Variants in MECOM observed in about 807,000 individuals in gnomAD.
MECOM encodes histone-lysine N-methyltransferase MECOM.
A neutral mutation model predicts 116.3 loss-of-function variants in MECOM; 13 were observed. That is an observed-to-expected ratio of 0.11 (90% CI 0.07 to 0.18). MECOM has a LOEUF of 0.18. MECOM is among the 10% of genes least tolerant of loss of function. MECOM has a pLI of 1.00. For missense variants in MECOM, 1,299 were observed against 1,509.0 expected (o/e 0.86, Z 2.31); for synonymous variants, 528 against 535.2 (o/e 0.99, Z 0.19).
chr3:169,510,605 A>G (rs1319848654), intron 1 of MECOM, among the ~76,000 whole-genome samples: 3 of 152,208 alleles, frequency 2.0e-5, no homozygotes, highest in Non-Finnish European at 4.4e-5. Context: ...TACAAACATT[A>G]GGCCTGACTT....
At chr3:169,106,004 T>C (rs944030745) in intron 10 of MECOM, among the ~76,000 whole-genome samples, 1 of 152,178 alleles carries the variant, frequency 6.6e-6, no homozygotes, top group Non-Finnish European at 1.5e-5. Context: ...ATTAAAACTA[T>C]TAAAGTGACA....
chr3:169,497,358 TC>T lies in MECOM; in HGVS notation c.38-115835del, dbSNP rs1422513982. On this transcript the variant is annotated intron_variant, in intron 1 of 16. Transcript: ENST00000651503. Reference sequence around the variant, plus strand: ...TCTCTTTTTCTTTTTCTTTTTTTTTTCTTTTGAGATGGAGTCTTACTCTGTT... The same window carrying T: ...TCTCTTTTTCTTTTTCTTTTTTTTTTTTTTGAGATGGAGTCTTACTCTGTT... Among the ~76,000 whole-genome samples the T allele has an allele frequency of 2.1e-3, 314 of 152,074 alleles. 4 individuals carry two copies. Among genetic ancestry groups the T allele is most frequent in the African/African-American group, 6.1e-3 (255 of 41,496 alleles).
At chr3:169,302,784 A>C (rs565318045) in intron 2 of MECOM, among the ~76,000 whole-genome samples, 4 of 152,214 alleles carry the variant, frequency 2.6e-5, no homozygotes, top group Admixed American at 2.6e-4. Flanking sequence ...GAATCAGTTG[A>C]ACCCAGGAGA....
chr3:169,408,371 G>A (rs751419126), intron 1 of MECOM, among the ~76,000 whole-genome samples: 1 of 152,174 alleles, frequency 6.6e-6, no homozygotes, highest in Non-Finnish European at 1.5e-5. Flanking sequence ...ATCGACATGC[G>A]AGGTAGGAAA....
intron 1 of MECOM, among the ~76,000 whole-genome samples, chr3:169,401,022 A>C (rs1560225799): frequency 2.0e-5 from 3 of 152,200 alleles, no homozygotes; most frequent in East Asian, 1.9e-4. Context: ...TGTCTGAGGC[A>C]CTAATCAAGC....
rs371409799 is a variant in MECOM, at chr3:169,590,079, G to A, written c.37+73257C>T. 6.6e-5 allele frequency among the ~76,000 whole-genome samples: 10 copies of A among 152,300 alleles called. No individual in the cohort carries two copies. The East Asian group carries it at 1.9e-3, about 29-fold the overall frequency. The stretch of plus-strand genomic sequence containing the variant: ...TGTTCCACATCTGGACAAGAGGCAG[G>A]AAAACAACAGATCATCAACAAGTTC... On this transcript the variant is annotated intron_variant, in intron 1 of 16. Transcript: ENST00000651503.
chr3:169,327,644 A>C (rs1360947373), intron 2 of MECOM, among the ~76,000 whole-genome samples: 1 of 151,474 alleles, frequency 6.6e-6, no homozygotes, highest in Non-Finnish European at 1.5e-5. Context: ...TGTCTCAAAA[A>C]AAAAAAAAAA....
At chr3:169,272,933 C>T (rs1345550924) in intron 2 of MECOM, among the ~76,000 whole-genome samples, 2 of 152,072 alleles carry the variant, frequency 1.3e-5, no homozygotes, top group South Asian at 2.1e-4. Flanking sequence ...GGGAGGACTG[C>T]GGGAAAGAGC....
chr3:169,338,600 G>GGGGTGTGTGT (rs1553811020), intron 2 of MECOM, among the ~76,000 whole-genome samples: 3 of 146,442 alleles, frequency 2.0e-5, no homozygotes, highest in African/African-American at 7.6e-5. Context: ...TTATGTTAGG[G>GGGGTGTGTGT]GTGTGTGTGT....
chr3:169,514,228 C>T (rs1376556754), intron 1 of MECOM, among the ~76,000 whole-genome samples: 1 of 151,586 alleles, frequency 6.6e-6, no homozygotes, highest in African/African-American at 2.4e-5. Flanking sequence ...AATTCAAGTG[C>T]AAGAGATCTT....
chr3:169,121,182 G>C lies in MECOM; in HGVS notation c.1006C>G (p.Arg336Gly). ...KVFTDPSNLQ[R>G]HIRSQHVGAR... The stretch of plus-strand genomic sequence containing the variant: ...CCGACATGCTGAGAGCGAATGTGCC[G>C]CTGAAGGTTGCTAGGGTCCGTGAAA... Residue 336 changes from arginine to glycine, a missense_variant, in exon 7 of 17, where the codon CGG becomes GGG. Transcript: ENST00000651503. 6.2e-7 allele frequency: 1 copy of C among 1,611,868 alleles called. No homozygotes were observed. The highest frequency in any genetic ancestry group is 2.2e-5 in the East Asian group (1 of 44,826).
chr3:169,278,238 C>T (rs1759854773), intron 2 of MECOM, among the ~76,000 whole-genome samples: 1 of 152,200 alleles, frequency 6.6e-6, no homozygotes, highest in African/African-American at 2.4e-5. Flanking sequence ...CTTAAGCCTC[C>T]TGACATTCCT....
chr3:169,088,979 G>C (rs776474465), intron 16 of MECOM, 21 bp downstream of exon 16: 2 of 1,550,322 alleles, frequency 1.3e-6, no homozygotes, highest in African/African-American at 2.8e-5. Flanking sequence ...CCATGATGCT[G>C]TACTATGGGA....
At chr3:169,235,121 G>A (rs1487777233) in intron 2 of MECOM, among the ~76,000 whole-genome samples, 2 of 152,146 alleles carry the variant, frequency 1.3e-5, no homozygotes, top group Admixed American at 1.3e-4. Flanking sequence ...CAATTTTATA[G>A]TTTGGTAGAG....
At chr3:169,130,410 T>C (rs1734275094) in intron 4 of MECOM, among the ~76,000 whole-genome samples, 1 of 152,120 alleles carries the variant, frequency 6.6e-6, no homozygotes, top group East Asian at 1.9e-4. Flanking sequence ...CTAAAGCTAT[T>C]TGCATGTCAG....
chr3:169,526,639 C>T (rs1453236099), intron 1 of MECOM, among the ~76,000 whole-genome samples: 1 of 152,036 alleles, frequency 6.6e-6, no homozygotes, highest in Non-Finnish European at 1.5e-5. Flanking sequence ...CATTTCTATA[C>T]AATTTGTTTT....
intron 2 of MECOM, among the ~76,000 whole-genome samples, chr3:169,362,896 T>C (rs1439435272): frequency 6.6e-6 from 1 of 152,012 alleles, no homozygotes; most frequent in Non-Finnish European, 1.5e-5. Flanking sequence ...GGGATCCTTT[T>C]GATTTTTCCA....
At chr3:169,400,703 C>T (rs1359649305) in intron 1 of MECOM, among the ~76,000 whole-genome samples, 2 of 152,134 alleles carry the variant, frequency 1.3e-5, no homozygotes, top group African/African-American at 2.4e-5. Context: ...ATATGGAGCC[C>T]TTTTGATTTA....
At chr3:169,091,554 C>T (rs973137876) in intron 14 of MECOM, among the ~76,000 whole-genome samples, 1 of 152,072 alleles carries the variant, frequency 6.6e-6, no homozygotes, top group Non-Finnish European at 1.5e-5. Context: ...AAGATCGTCA[C>T]TGTTTCTTGC....
Sources: gnomAD v4.1 joint callset for allele counts (sites outside exome capture counted in the v4.1 genomes callset) on GRCh38, gnomAD v4.1.1 for gene constraint, MANE v1.5 for transcripts, NCBI Gene and HGNC (gene_info 2026-07-23, HGNC 2026-07-21) for gene names.